Variants in ROBO1 observed in about 807,000 individuals in gnomAD.
ROBO1 encodes the protein roundabout guidance receptor 1.
A neutral mutation model predicts 195.9 loss-of-function variants in ROBO1; 149 were observed. The ratio of observed to expected loss-of-function variants is 0.76; its 90% CI spans 0.67 to 0.87. ROBO1 has a LOEUF of 0.87. Among genes scored for constraint, ROBO1 ranks in the 40% least tolerant of loss-of-function variants. ROBO1 has a pLI of 0.00. For synonymous variants in ROBO1, 816 were observed against 733.2 expected (o/e 1.11, Z -1.82); for missense variants, 1,933 against 2,068.3 (o/e 0.93, Z 1.27).
intron 1 of ROBO1, among the ~76,000 whole-genome samples, chr3:79,607,773 C>A (rs1446887142): frequency 1.3e-5 from 2 of 152,094 alleles, no homozygotes; most frequent in Non-Finnish European, 2.9e-5. Context: ...AAAATAAATT[C>A]TTCCTCTCTC....
chr3:79,551,213 T>C (rs1942498200), intron 2 of ROBO1, among the ~76,000 whole-genome samples: 1 of 151,962 alleles, frequency 6.6e-6, no homozygotes. Context: ...TATTATACTT[T>C]AAGTTTTGGG....
chr3:79,334,206 G>A (rs1395007565), intron 2 of ROBO1, among the ~76,000 whole-genome samples: 1 of 151,406 alleles, frequency 6.6e-6, no homozygotes, highest in African/African-American at 2.4e-5. Flanking sequence ...GGGAGGCTGA[G>A]GCAAGTTAAT....
At chr3:78,652,035 G>T in intron 18 of ROBO1, 106 bp from the exon 19 acceptor site, 4 of 900,244 alleles carry the variant, frequency 4.4e-6, no homozygotes, top group African/African-American at 1.7e-5. Flanking sequence ...AATGATTTCT[G>T]TTTTTCCTCT....
intron 3 of ROBO1, among the ~76,000 whole-genome samples, chr3:79,089,146 C>T (rs958768895): frequency 1.3e-5 from 2 of 152,060 alleles, no homozygotes; most frequent in African/African-American, 4.8e-5. Flanking sequence ...AATCTACAAC[C>T]TTATCTGAAT....
intron 11 of ROBO1, 145 bp from the exon 12 acceptor site, chr3:78,668,710 A>C: frequency 1.6e-6 from 1 of 625,664 alleles, no homozygotes; most frequent in Non-Finnish European, 2.8e-6. Flanking sequence ...AGTTGAATAT[A>C]TTTTTATTGA....
At chr3:79,034,501 GT>G (rs1307875918) in intron 3 of ROBO1, among the ~76,000 whole-genome samples, 3 of 152,080 alleles carry the variant, frequency 2.0e-5, no homozygotes, top group Admixed American at 2.0e-4. Context: ...CTTTGATATA[GT>G]ATTTCCAACT....
At chr3:79,522,677 C>G (rs1417388644) in intron 2 of ROBO1, among the ~76,000 whole-genome samples, 1 of 152,108 alleles carries the variant, frequency 6.6e-6, no homozygotes, top group Non-Finnish European at 1.5e-5. Flanking sequence ...CCAATAGATT[C>G]CTACGGTGCA....
chr3:79,686,371 G>A (rs913223418), intron 1 of ROBO1, among the ~76,000 whole-genome samples: 3 of 152,018 alleles, frequency 2.0e-5, no homozygotes, highest in Non-Finnish European at 2.9e-5. Context: ...TTCTGGCCAG[G>A]GCAATTAGGC....
At chr3:79,281,450 A>G (rs2031501191) in intron 2 of ROBO1, among the ~76,000 whole-genome samples, 1 of 152,140 alleles carries the variant, frequency 6.6e-6, no homozygotes, top group South Asian at 2.1e-4. Context: ...TTTTCAAATT[A>G]GGAGAAATTT....
chr3:79,695,281 T>G (rs1462043817), intron 1 of ROBO1, among the ~76,000 whole-genome samples: 2 of 151,622 alleles, frequency 1.3e-5, no homozygotes, highest in Non-Finnish European at 3.0e-5. Flanking sequence ...CCCTCTCTGT[T>G]CTGGTACTAA....
In ROBO1 at chr3:79,527,926, G is replaced by A. The variant is rs1196302790; in HGVS notation, c.88+61898C>T. 2.6e-5 allele frequency: 4 copies of A among 152,438 alleles called. No individual in the cohort carries two copies. The East Asian group carries it at 7.7e-4, about 29-fold the overall frequency. 9.4% of individuals were successfully genotyped at this position (152,438 alleles called of 1,614,324 possible). ...GTAGCAGATATTGACACTTCCGTAT[G>A]AAAAAAATAATCGGGCCCCTCTACA... On this transcript the variant is annotated intron_variant, in intron 2 of 30. Coordinates refer to ENST00000464233, the MANE Select transcript of ROBO1 (RefSeq NM_002941.4).
At chr3:79,124,307 A>G (rs2108569412) in intron 3 of ROBO1, among the ~76,000 whole-genome samples, 1 of 152,238 alleles carries the variant, frequency 6.6e-6, no homozygotes, top group East Asian at 1.9e-4. Flanking sequence ...AAACAAATAT[A>G]CCAATATTAA....
intron 2 of ROBO1, among the ~76,000 whole-genome samples, chr3:79,519,765 T>C (rs1469842097): frequency 1.3e-5 from 2 of 152,062 alleles, no homozygotes; most frequent in African/African-American, 4.8e-5. Context: ...TCTGATGTCT[T>C]CGCAAAATTA....
chr3:78,834,805 T>C (rs1195247426), intron 4 of ROBO1, among the ~76,000 whole-genome samples: 1 of 152,110 alleles, frequency 6.6e-6, no homozygotes, highest in Non-Finnish European at 1.5e-5. Flanking sequence ...GGTCTAAAAA[T>C]TTTTACTTAA....
intron 1 of ROBO1, among the ~76,000 whole-genome samples, chr3:79,594,064 A>C (rs1403134148): frequency 6.6e-6 from 1 of 151,982 alleles, no homozygotes; most frequent in African/African-American, 2.4e-5. Flanking sequence ...ATTTTAATGA[A>C]GTTCAAATGA....
intron 4 of ROBO1, among the ~76,000 whole-genome samples, chr3:78,772,137 T>C (rs1398808239): frequency 6.6e-6 from 1 of 152,130 alleles, no homozygotes; most frequent in Non-Finnish European, 1.5e-5. Context: ...ACCTAATACG[T>C]ATTTGCTTAA....
chr3:79,207,672 A>G (rs761563987), intron 2 of ROBO1, among the ~76,000 whole-genome samples: 3 of 151,954 alleles, frequency 2.0e-5, no homozygotes, highest in Non-Finnish European at 4.4e-5. Flanking sequence ...CAGCTGTTTG[A>G]ATTGTTTTCT....
At chr3:79,736,923 A>G (rs936611840) in intron 1 of ROBO1, among the ~76,000 whole-genome samples, 1 of 152,192 alleles carries the variant, frequency 6.6e-6, no homozygotes, top group Non-Finnish European at 1.5e-5. Flanking sequence ...ATTCAGTGTA[A>G]TTTAACTGTA....
At chr3:79,008,812 C>T (rs2077692182) in intron 3 of ROBO1, among the ~76,000 whole-genome samples, 1 of 145,120 alleles carries the variant, frequency 6.9e-6, no homozygotes, top group Non-Finnish European at 1.5e-5. Flanking sequence ...TAGTCTCAAA[C>T]TTCTGGGCTT....
Sources: allele counts gnomAD v4.1 joint callset (sites outside exome capture counted in the v4.1 genomes callset), GRCh38; gene constraint gnomAD v4.1.1; transcripts MANE v1.5; gene names NCBI Gene and HGNC (gene_info 2026-07-23, HGNC 2026-07-21).